SORT1: variants seen among roughly 807,000 people sequenced by gnomAD.
SORT1 encodes the protein sortilin.
A neutral mutation model predicts 101.7 loss-of-function variants in SORT1; 39 were observed. The observed-to-expected ratio is 0.38, with a 90% CI of 0.30 to 0.50. SORT1 has a LOEUF of 0.50. Ranked by LOEUF, SORT1 falls within the 20% of genes least tolerant of loss-of-function variation. The pLI is 0.90. For missense variants in SORT1, 878 were observed against 1,040.4 expected (o/e 0.84, Z 2.15); for synonymous variants, 396 against 393.7 (o/e 1.01, Z -0.07).
At position 109,397,860 on chromosome 1, in the gene SORT1, G is replaced by A; in HGVS notation, c.33C>T (p.Leu11=). Residue 11 remains leucine (L), a synonymous_variant, in exon 1 of 20, where the codon CTC becomes CTT. Transcript: ENST00000256637. MERPWGAADG[L]SRWPHGLGLL... is the part of the protein sequence containing the mutation. ...GGCCGAGGCCATGGGGCCAGCGCGA[G>A]AGGCCGTCCGCAGCTCCCCAGGGCC... 1 of 1,281,192 alleles carries A rather than the reference G, an allele frequency of 7.8e-7. No homozygotes were observed. Among genetic ancestry groups the A allele is most frequent in the South Asian group, 1.8e-5 (1 of 54,902 alleles). The allele number at this position is 1,281,192 out of a possible 1,614,324, so 79.4% of individuals were successfully genotyped here.
intron 1 of SORT1, among the ~76,000 whole-genome samples, chr1:109,383,792 T>C (rs746225385): frequency 6.6e-6 from 1 of 152,236 alleles, no homozygotes; most frequent in Non-Finnish European, 1.5e-5. Context: ...CCAGTTCTCA[T>C]GAAGTCTATT....
chr1:109,355,641 A>ACCCCCCACCCCCCCCCCCCC, intron 3 of SORT1, among the ~76,000 whole-genome samples, 172 bp from the exon 4 acceptor site: 1 of 84,102 alleles, frequency 1.2e-5, no homozygotes, highest in South Asian at 5.0e-4. Context: ...AGAACATTCC[A>ACCCCCCACCCCCCCCCCCCC]CCCGCCCCCC....
chr1:109,326,978 G>A lies in SORT1; in HGVS notation c.1643+14C>T. On this transcript the variant is annotated intron_variant, in intron 13 of 19. Transcript: ENST00000256637. ...TCTATGCAGACAGTGTGTGTGAGAT[G>A]AGTTCATGCATACTTAATCACATTG... 1 of 1,597,822 alleles carries A rather than the reference G, an allele frequency of 6.3e-7. No homozygotes were observed. The highest frequency in any genetic ancestry group is 1.1e-5 in the South Asian group (1 of 89,674).
chr1:109,366,235 T>C lies in SORT1; in HGVS notation c.440+1173A>G, dbSNP rs748213281. Among the ~76,000 whole-genome samples, 7 of 152,314 alleles carry C rather than the reference T, an allele frequency of 4.6e-5. 1 individual carries two copies. The highest frequency in any genetic ancestry group is 2.0e-4 in the Admixed American group (3 of 15,302). On this transcript the variant is annotated intron_variant, in intron 3 of 19. Transcript: ENST00000256637. ...AACTTCACCAATGTCACAGTATAGG[T>C]TGTGGTTCCAGAACACATGTTACCA...
chr1:109,310,493 A>C lies in SORT1; in HGVS notation c.*3550T>G, dbSNP rs906751729. ...CTCCCTGTCACTTCATCACACAGCAAATCTTAAAACTTTGGTTTTTTCAAA... is the reference window on the plus strand; with the variant it reads ...CTCCCTGTCACTTCATCACACAGCACATCTTAAAACTTTGGTTTTTTCAAA... On this transcript the variant is annotated 3_prime_UTR_variant, in exon 20 of 20. Transcript: ENST00000256637. 6.4e-6 allele frequency: 1 copy of C among 155,570 alleles called. No individual in the cohort carries two copies. The highest frequency in any genetic ancestry group is 1.5e-5 in the Non-Finnish European group (1 of 68,062). 9.6% of individuals were successfully genotyped at this position (155,570 alleles called of 1,614,324 possible).
chr1:109,340,681 TGCA>T, intron 10 of SORT1, 40 bp downstream of exon 10: 1 of 1,606,630 alleles, frequency 6.2e-7, no homozygotes, highest in Non-Finnish European at 8.5e-7. Context: ...TCCTACCACA[TGCA>T]GCTGAAGGCA....
chr1:109,391,675 C>T (rs1253259855), intron 1 of SORT1, among the ~76,000 whole-genome samples: 1 of 152,146 alleles, frequency 6.6e-6, no homozygotes, highest in East Asian at 1.9e-4. Context: ...CTGTCATGAA[C>T]ATTCATTCAA....
intron 1 of SORT1, among the ~76,000 whole-genome samples, chr1:109,373,227 T>C (rs1282033482): frequency 6.6e-6 from 1 of 152,120 alleles, no homozygotes; most frequent in African/African-American, 2.4e-5. Context: ...TCAGGCACAG[T>C]GCAGGGGAGG....
chr1:109,386,960 G>A (rs917376014), intron 1 of SORT1, among the ~76,000 whole-genome samples: 1 of 152,218 alleles, frequency 6.6e-6, no homozygotes, highest in Non-Finnish European at 1.5e-5. Context: ...AAAGCTTAAT[G>A]AAGGGGAAGA....
chr1:109,384,770 A>C (rs1471866172), intron 1 of SORT1, among the ~76,000 whole-genome samples: 1 of 152,170 alleles, frequency 6.6e-6, no homozygotes, highest in Non-Finnish European at 1.5e-5. Context: ...AAGCAAGCAC[A>C]GGAGACACAG....
intron 3 of SORT1, among the ~76,000 whole-genome samples, chr1:109,359,055 AAAG>A (rs1650533870): frequency 6.6e-6 from 1 of 152,198 alleles, no homozygotes; most frequent in Admixed American, 6.5e-5. Flanking sequence ...GGCTGCTATA[AAAG>A]AATATTATAA....
chr1:109,369,383 C>G (rs1029117952), intron 2 of SORT1, 147 bp downstream of exon 2: 13 of 607,668 alleles, frequency 2.1e-5, no homozygotes, highest in African/African-American at 1.3e-4. Context: ...CTACAACTTC[C>G]TGAAAGTCTG....
chr1:109,361,853 A>C (rs1250567326), intron 3 of SORT1, among the ~76,000 whole-genome samples: 1 of 152,220 alleles, frequency 6.6e-6, no homozygotes, highest in Non-Finnish European at 1.5e-5. Context: ...CAGTGTACCC[A>C]TTCCCAGCTG....
chr1:109,391,446 C>A (rs1167919803), intron 1 of SORT1, among the ~76,000 whole-genome samples: 1 of 152,156 alleles, frequency 6.6e-6, no homozygotes, highest in African/African-American at 2.4e-5. Flanking sequence ...TAAAGCTAGT[C>A]CAAAACTTCT....
chr1:109,349,322 G>A (rs1649814845), intron 6 of SORT1, among the ~76,000 whole-genome samples: 1 of 152,034 alleles, frequency 6.6e-6, no homozygotes, highest in African/African-American at 2.4e-5. Context: ...CCCAGCCTGG[G>A]CAACAGAGCA....
chr1:109,314,172 C>CA, intron 19 of SORT1, 89 bp downstream of exon 19: 1 of 1,595,788 alleles, frequency 6.3e-7, no homozygotes, highest in Non-Finnish European at 8.6e-7. Flanking sequence ...TTGGCCCTGG[C>CA]ATATCTTGAT....
intron 16 of SORT1, 86 bp downstream of exon 16, chr1:109,317,767 C>T: frequency 1.1e-6 from 1 of 923,756 alleles, no homozygotes; most frequent in Non-Finnish European, 1.7e-6. Flanking sequence ...TAAAGTAGGG[C>T]TTGGATCTCA....
rs1035627371 is a variant in SORT1 at position 109,312,041 on chromosome 1, T to C, written c.*2002A>G. ...AAGCGAAGAGCCCTATCGTATATGG[T>C]TAGAGAAGAATATTGAGTTTCCTAC... On this transcript the variant is annotated 3_prime_UTR_variant, in exon 20 of 20. Coordinates refer to ENST00000256637, the MANE Select transcript of SORT1 (RefSeq NM_002959.7). The C allele has an allele frequency of 4.6e-5, 7 of 152,206 alleles. No individual in the cohort carries two copies. The highest frequency in any genetic ancestry group is 1.7e-4 in the African/African-American group (7 of 41,424). The allele number at this position is 152,206 out of a possible 1,614,324, so 9.4% of individuals were successfully genotyped here. A position where few individuals can be genotyped will look rare whatever the true frequency, so the allele number is the denominator to read the frequency against.
chr1:109,327,124 T>G lies in SORT1; in HGVS notation c.1511A>C (p.Asp504Ala), dbSNP rs1222412240. 1.2e-6 allele frequency: 2 copies of G among 1,613,688 alleles called. No individual in the cohort carries two copies. Among genetic ancestry groups the G allele is most frequent in the East Asian group, 2.2e-5 (1 of 44,866 alleles). The change falls in exon 13 of 20, where the codon GAT (aspartate) becomes GCT (alanine). Residue 504 changes from aspartate to alanine, a missense_variant. Physicochemically the swap from Asp to Ala is moderately radical, Grantham distance 126 (BLOSUM62 -2). Coordinates refer to ENST00000256637, the MANE Select transcript of SORT1 (RefSeq NM_002959.7). ...VGDAISVMVP[D>A]VYISDDGGYS... ...ACCCCCATCATCTGAGATGTACACATCTGGAACCATCACTGAGATGGCATC... is the reference window on the plus strand; with the variant it reads ...ACCCCCATCATCTGAGATGTACACAGCTGGAACCATCACTGAGATGGCATC...
Sources: allele counts gnomAD v4.1 joint callset (sites outside exome capture counted in the v4.1 genomes callset), GRCh38; gene constraint gnomAD v4.1.1; transcripts MANE v1.5; gene names NCBI Gene and HGNC (gene_info 2026-07-23, HGNC 2026-07-21).